The following CELF2 variants were observed in gnomAD, a reference collection of about 807,000 sequenced individuals.
The protein encoded by CELF2 is CUGBP Elav-like family member 2.
In CELF2, 8 loss-of-function variants were observed where a neutral mutation model predicts 62.6. That is an observed-to-expected ratio of 0.13 (90% CI 0.07 to 0.23). The LOEUF (loss-of-function observed/expected upper bound fraction) is 0.23. Ranked by LOEUF, CELF2 falls within the 10% of genes least tolerant of loss-of-function variation. CELF2 has a pLI of 1.00. For missense variants in CELF2, 333 were observed against 671.0 expected (o/e 0.50, Z 5.56); for synonymous variants, 258 against 250.0 (o/e 1.03, Z -0.30).
At chr10:10,910,360 G>C (rs1307363973) in intron 1 of CELF2, among the ~76,000 whole-genome samples, 1 of 152,104 alleles carries the variant, frequency 6.6e-6, no homozygotes, top group Non-Finnish European at 1.5e-5. Context: ...ATACACTTCT[G>C]TTGGTTTGTT....
Position 11,260,158 on chromosome 10 carries a change from C to T in CELF2, c.538+2286C>T, listed in dbSNP as rs1175345014. Among the ~76,000 whole-genome samples the T allele has an allele frequency of 6.6e-6, 1 of 152,192 alleles. No homozygotes were observed. The highest frequency in any genetic ancestry group is 2.4e-5 in the African/African-American group (1 of 41,434). On this transcript the variant is annotated intron_variant, in intron 5 of 12. Transcript: ENST00000633077. The surrounding 1 kb of genome is among the most constrained non-coding windows in gnomAD (Gnocchi z 4.2). ...GCTTTCCCCATTTGTAAATGACAGC[C>T]GTAACTATATCTGCCCTGCTTCTCT... is the stretch of plus-strand genomic sequence containing the variant.
Position 11,046,449 on chromosome 10 carries a change from A to G in CELF2, c.74+28286A>G, listed in dbSNP as rs2062860577. Among the ~76,000 whole-genome samples, 1 of 152,236 alleles carries G rather than the reference A, an allele frequency of 6.6e-6. No homozygotes were observed. ...GTTCACTGCCTCTGATGACACCGAAATGAAATATAAAGGGAAGATAAAGTA... is the reference window on the plus strand; with the variant it reads ...GTTCACTGCCTCTGATGACACCGAAGTGAAATATAAAGGGAAGATAAAGTA... On this transcript the variant is annotated intron_variant, in intron 1 of 12. Coordinates refer to ENST00000633077, the MANE Select transcript of CELF2 (RefSeq NM_001326342.2). This position sits in a 1 kb window ranked among gnomAD's most constrained non-coding sequence, Gnocchi z 4.6.
the CELF2 span, among the ~76,000 whole-genome samples, chr10:10,711,885 A>C: frequency 6.6e-6 from 1 of 152,226 alleles, no homozygotes; most frequent in South Asian, 2.1e-4. Context: ...CCATCTCATA[A>C]AAAGAAAGAA....
rs1028700956 is a variant in CELF2 at position 10,993,759 on chromosome 10, T to A, written c.89+73760T>A. On this transcript the variant is annotated intron_variant, in intron 2 of 13. Transcript: ENST00000636488. This position sits in a 1 kb window ranked among gnomAD's most constrained non-coding sequence, Gnocchi z 5.3. The stretch of plus-strand genomic sequence containing the variant: ...GATATCGATATGGACTCAGCTGTGT[T>A]CTCCCCAAAATTTGTGTGTTGAAGT... Among the ~76,000 whole-genome samples, 1 of 152,300 alleles carries A rather than the reference T, an allele frequency of 6.6e-6. No homozygotes were observed. The highest frequency in any genetic ancestry group is 2.4e-5 in the African/African-American group (1 of 41,568).
chr10:10,878,104 A>G (rs2061224834), intron 1 of CELF2, among the ~76,000 whole-genome samples: 1 of 152,222 alleles, frequency 6.6e-6, no homozygotes, highest in Non-Finnish European at 1.5e-5. Context: ...CTCGCCCGCC[A>G]GCAGGAATTT....
At chr10:10,623,081 G>A in the CELF2 span, among the ~76,000 whole-genome samples, 15 of 61,142 alleles carry the variant, frequency 2.5e-4, no homozygotes, top group East Asian at 1.1e-3. Context: ...GAGAGACTCC[G>A]TCTCAAAAAA....
intron 1 of CELF2, among the ~76,000 whole-genome samples, chr10:11,069,270 CAAAGA>C (rs1448576558): frequency 2.0e-5 from 3 of 152,178 alleles, no homozygotes; most frequent in African/African-American, 7.2e-5. Context: ...CCCATGATAG[CAAAGA>C]AAAGGATCAT....
Position 11,319,970 on chromosome 10 carries a change from A to C in CELF2, c.1097-1219A>C, listed in dbSNP as rs1448347801. ...CTTACCTTAGCTGTCCTCCATTCTCATTAGACTTCTTACCTATTTTTTCAG... is the reference window on the plus strand; with the variant it reads ...CTTACCTTAGCTGTCCTCCATTCTCCTTAGACTTCTTACCTATTTTTTCAG... On this transcript the variant is annotated intron_variant, in intron 10 of 12. Transcript: ENST00000633077. The surrounding 1 kb of genome is among the most constrained non-coding windows in gnomAD (Gnocchi z 4.4). 1.4e-5 allele frequency: 6 copies of C among 424,906 alleles called. No homozygotes were observed. Among genetic ancestry groups the C allele is most frequent in the East Asian group, 7.4e-5 (1 of 13,476 alleles). The allele number at this position is 424,906 out of a possible 1,614,324, so 26.3% of individuals were successfully genotyped here.
At chr10:10,691,921 G>A in the CELF2 span, among the ~76,000 whole-genome samples, 716 of 151,306 alleles carry the variant, frequency 4.7e-3, 7 homozygotes, top group African/African-American at 0.017. Context: ...TTTGTCAGAT[G>A]AGTAGGTTGC....
intron 1 of CELF2, among the ~76,000 whole-genome samples, chr10:11,125,065 C>T (rs1304779663): frequency 6.6e-6 from 1 of 152,162 alleles, no homozygotes; most frequent in Admixed American, 6.6e-5. Context: ...CTAATGGGAA[C>T]CACTTAGCTG....
chr10:10,724,313 G>A, the CELF2 span, among the ~76,000 whole-genome samples: 1 of 152,150 alleles, frequency 6.6e-6, no homozygotes, highest in African/African-American at 2.4e-5. Flanking sequence ...CTCCTGGGCT[G>A]TTAGAATCTT....
intron 3 of CELF2, among the ~76,000 whole-genome samples, chr10:11,231,225 CTAATTATTG>C (rs1411565025): frequency 3.9e-5 from 6 of 152,132 alleles, no homozygotes; most frequent in Non-Finnish European, 8.8e-5. Flanking sequence ...TGGGTTATTC[CTAATTATTG>C]TAGCTACAAC....
intron 2 of CELF2, among the ~76,000 whole-genome samples, chr10:10,991,066 G>A (rs12570851): frequency 1.3e-5 from 2 of 151,974 alleles, no homozygotes; most frequent in Non-Finnish European, 2.9e-5. Context: ...TCACAGCTTA[G>A]GCAGAGAAAG....
upstream of CELF2, among the ~76,000 whole-genome samples, chr10:11,000,617 G>C (rs1254328547): frequency 3.3e-5 from 5 of 152,144 alleles, no homozygotes; most frequent in Admixed American, 2.0e-4. Context: ...GCCACCTCCT[G>C]CTTCCACAGT....
the CELF2 span, among the ~76,000 whole-genome samples, chr10:10,773,880 G>A: frequency 1.3e-5 from 2 of 152,138 alleles, no homozygotes; most frequent in Non-Finnish European, 2.9e-5. Context: ...GATAAACACT[G>A]CTGCCTAGTT....
chr10:10,724,238 G>A, the CELF2 span, among the ~76,000 whole-genome samples: 1 of 152,138 alleles, frequency 6.6e-6, no homozygotes, highest in African/African-American at 2.4e-5. Flanking sequence ...CTTCTAGGAT[G>A]GACAAATTTG....
At chr10:10,818,390 A>G (rs892132432) in intron 1 of CELF2, among the ~76,000 whole-genome samples, 3 of 152,154 alleles carry the variant, frequency 2.0e-5, no homozygotes, top group Non-Finnish European at 4.4e-5. Flanking sequence ...TTTTCTCATT[A>G]GATGACGTTC....
the CELF2 span, among the ~76,000 whole-genome samples, chr10:10,717,494 A>AT: frequency 1.3e-5 from 2 of 152,178 alleles, no homozygotes; most frequent in Non-Finnish European, 2.9e-5. Context: ...ATTTCAGCCC[A>AT]TTATGTGAAA....
At chr10:11,033,661 G>T (rs1381674290) in intron 1 of CELF2, among the ~76,000 whole-genome samples, 1 of 152,178 alleles carries the variant, frequency 6.6e-6, no homozygotes, top group Non-Finnish European at 1.5e-5. Context: ...TTTTAAGAAA[G>T]GTAATTAGAC....
Sources: allele counts gnomAD v4.1 joint callset (sites outside exome capture counted in the v4.1 genomes callset), GRCh38; gene constraint gnomAD v4.1.1; non-coding constraint Gnocchi (gnomAD v3.1); transcripts MANE v1.5; gene names NCBI Gene and HGNC (gene_info 2026-07-23, HGNC 2026-07-21).